Variants in CNTNAP2 observed in about 807,000 individuals in gnomAD.
CNTNAP2 encodes the protein contactin associated protein 2.
Under a neutral mutation model 155.2 loss-of-function variants are expected in CNTNAP2, and 98 were observed. The observed-to-expected ratio is 0.63, with a 90% CI of 0.54 to 0.75. The LOEUF is 0.75. Ranked by LOEUF, CNTNAP2 falls within the 30% of genes least tolerant of loss-of-function variation. CNTNAP2 has a pLI of 0.00. For missense variants in CNTNAP2, 1,727 were observed against 1,688.1 expected (o/e 1.02, Z -0.40); for synonymous variants, 651 against 631.2 (o/e 1.03, Z -0.47).
At chr7:148,212,975 G>A (rs1436910880) in intron 18 of CNTNAP2, among the ~76,000 whole-genome samples, 2 of 152,124 alleles carry the variant, frequency 1.3e-5, no homozygotes, top group Non-Finnish European at 2.9e-5. Context: ...TAGTCTCTGA[G>A]GCATATTTTT....
rs147016826 is a variant in CNTNAP2, at chr7:146,451,623, G to A, written c.98-322648G>A. ...GCCCTACGTTTTTATTTTGCACTGC[G>A]TTGCACAGATTATAAGCCAGTCTTG... On this transcript the variant is annotated intron_variant, in intron 1 of 23. Transcript: ENST00000361727. Among the ~76,000 whole-genome samples, 1,361 of 151,968 alleles carry A rather than the reference G, an allele frequency of 9.0e-3. 22 individuals are homozygous for A. The highest frequency in any genetic ancestry group is 0.031 in the African/African-American group (1,291 of 41,430).
chr7:148,290,682 G>GTAGT (rs1797173734), intron 21 of CNTNAP2, among the ~76,000 whole-genome samples: 1 of 152,158 alleles, frequency 6.6e-6, no homozygotes, highest in African/African-American at 2.4e-5. Context: ...ATTCATTAAG[G>GTAGT]TAGTTGTTCA....
chr7:147,990,951 A>G (rs1483902242), intron 15 of CNTNAP2, among the ~76,000 whole-genome samples: 1 of 152,050 alleles, frequency 6.6e-6, no homozygotes, highest in Non-Finnish European at 1.5e-5. Context: ...TCAACCCTCT[A>G]TCAGGTGGCT....
chr7:147,464,721 A>T (rs1437738687), intron 10 of CNTNAP2, among the ~76,000 whole-genome samples: 2 of 152,212 alleles, frequency 1.3e-5, no homozygotes, highest in Non-Finnish European at 2.9e-5. Flanking sequence ...ACAATTTAAA[A>T]ATTTAAAGCA....
At chr7:147,883,128 A>G (rs1326768520) in intron 13 of CNTNAP2, among the ~76,000 whole-genome samples, 1 of 152,148 alleles carries the variant, frequency 6.6e-6, no homozygotes, top group Non-Finnish European at 1.5e-5. Flanking sequence ...AGGGTCTCCC[A>G]GAATATAGAA....
intron 12 of CNTNAP2, among the ~76,000 whole-genome samples, chr7:147,622,609 A>G (rs74355742): frequency 0.031 from 4,668 of 152,090 alleles, 233 homozygotes; most frequent in African/African-American, 0.11. Context: ...CAACATACCA[A>G]AAAATCTATG....
chr7:146,717,181 C>G (rs1801203652), intron 1 of CNTNAP2, among the ~76,000 whole-genome samples: 1 of 151,998 alleles, frequency 6.6e-6, no homozygotes. Flanking sequence ...ATGGAGAGAA[C>G]CACCAAAAGA....
chr7:147,290,773 G>A (rs1330749658), intron 8 of CNTNAP2, among the ~76,000 whole-genome samples: 1 of 151,706 alleles, frequency 6.6e-6, no homozygotes, highest in Non-Finnish European at 1.5e-5. Context: ...TGCAGGTTGA[G>A]ACCTTAAACA....
intron 11 of CNTNAP2, among the ~76,000 whole-genome samples, chr7:147,561,523 T>G (rs1800063773): frequency 6.6e-6 from 1 of 152,174 alleles, no homozygotes; most frequent in South Asian, 2.1e-4. Flanking sequence ...ATAATTTAAT[T>G]ACATGAATGT....
intron 21 of CNTNAP2, among the ~76,000 whole-genome samples, chr7:148,381,088 G>A (rs1009386766): frequency 3.3e-5 from 5 of 152,262 alleles, no homozygotes; most frequent in African/African-American, 9.6e-5. Flanking sequence ...CAGGGTGAGC[G>A]CTTTTGAGCG....
At chr7:148,055,192 G>A (rs1385267095) in intron 15 of CNTNAP2, among the ~76,000 whole-genome samples, 1 of 151,952 alleles carries the variant, frequency 6.6e-6, no homozygotes, top group Non-Finnish European at 1.5e-5. Context: ...CCTATAAATA[G>A]GCATCTTTGA....
At chr7:148,085,237 A>C (rs1188982111) in intron 15 of CNTNAP2, among the ~76,000 whole-genome samples, 2 of 152,244 alleles carry the variant, frequency 1.3e-5, no homozygotes, top group Admixed American at 6.5e-5. Flanking sequence ...AGGTCTAAAA[A>C]TTCAGTACAA....
chr7:147,892,464 CAGGATTACTGA>C (rs1349338767), intron 13 of CNTNAP2, among the ~76,000 whole-genome samples: 1 of 152,108 alleles, frequency 6.6e-6, no homozygotes, highest in Non-Finnish European at 1.5e-5. Flanking sequence ...AGGAATGAGC[CAGGATTACTGA>C]AGGGTCCTGC....
chr7:146,591,930 T>C (rs939004839), intron 1 of CNTNAP2, among the ~76,000 whole-genome samples: 1 of 152,214 alleles, frequency 6.6e-6, no homozygotes, highest in Non-Finnish European at 1.5e-5. Context: ...CTTTTCAATA[T>C]CCTTCTCCTC....
At chr7:148,253,005 G>GACAC (rs1563012549) in intron 20 of CNTNAP2, among the ~76,000 whole-genome samples, 2 of 137,318 alleles carry the variant, frequency 1.5e-5, no homozygotes, top group South Asian at 4.7e-4. Context: ...GAGATAGATA[G>GACAC]ATACATAGAT....
At chr7:146,936,852 C>T (rs945550264) in intron 3 of CNTNAP2, among the ~76,000 whole-genome samples, 3 of 152,138 alleles carry the variant, frequency 2.0e-5, no homozygotes, top group African/African-American at 7.2e-5. Flanking sequence ...AGATCTTCTT[C>T]CACCATGTGG....
chr7:146,790,565 G>A lies in CNTNAP2; in HGVS notation c.208+16184G>A, dbSNP rs370735927. On this transcript the variant is annotated intron_variant, in intron 2 of 23. Coordinates refer to ENST00000361727, the MANE Select transcript of CNTNAP2 (RefSeq NM_014141.6). ...CTATCTTATCTTCGTGATTTGGTCA[G>A]TGATTTTTTTTTTTTTTTTTGTAAG... Among the ~76,000 whole-genome samples, 6 of 145,234 alleles carry A rather than the reference G, an allele frequency of 4.1e-5. No individual in the cohort carries two copies. The East Asian group carries it at 9.8e-4, about 24-fold the overall frequency.
chr7:147,156,500 G>A (rs1293330594), intron 8 of CNTNAP2, among the ~76,000 whole-genome samples: 1 of 152,130 alleles, frequency 6.6e-6, no homozygotes, highest in Non-Finnish European at 1.5e-5. Flanking sequence ...CCTTCTCTTA[G>A]GAATTCTCAC....
chr7:146,691,667 T>C (rs1800698769), intron 1 of CNTNAP2, among the ~76,000 whole-genome samples: 1 of 152,070 alleles, frequency 6.6e-6, no homozygotes, highest in African/African-American at 2.4e-5. Flanking sequence ...GAGGATTCTT[T>C]ATGTGTTTCC....
Sources: allele counts gnomAD v4.1 joint callset (sites outside exome capture counted in the v4.1 genomes callset), GRCh38; gene constraint gnomAD v4.1.1; transcripts MANE v1.5; gene names NCBI Gene and HGNC (gene_info 2026-07-23, HGNC 2026-07-21).